EPB41L5: variants seen among roughly 807,000 people sequenced by gnomAD.
EPB41L5 encodes the protein erythrocyte membrane protein band 4.1 like 5, also known as band 4.1-like protein 5.
In EPB41L5, 55 loss-of-function variants were observed where a neutral mutation model predicts 106.6. That is an observed-to-expected ratio of 0.52 (90% CI 0.42 to 0.65). The LOEUF is 0.65. Ranked by LOEUF, EPB41L5 falls within the 30% of genes least tolerant of loss-of-function variation. EPB41L5 has a pLI of 0.00. For synonymous variants in EPB41L5, 297 were observed against 306.7 expected (o/e 0.97, Z 0.33); for missense variants, 871 against 882.1 (o/e 0.99, Z 0.16).
At chr2:120,114,772 G>A (rs139468139) in intron 16 of EPB41L5, among the ~76,000 whole-genome samples, 7 of 152,252 alleles carry the variant, frequency 4.6e-5, no homozygotes, top group South Asian at 4.1e-4. Flanking sequence ...TATTCTGTTA[G>A]TGGAGCATTC....
At chr2:120,105,418 A>T (rs1684392038) in intron 16 of EPB41L5, 2 of 984,906 alleles carry the variant, frequency 2.0e-6, no homozygotes, top group Non-Finnish European at 1.2e-6. Flanking sequence ...TCCTGCTCAC[A>T]TAGAGGTTGG....
At chr2:120,143,901 G>A (rs2105496577) in intron 19 of EPB41L5, among the ~76,000 whole-genome samples, 1 of 152,146 alleles carries the variant, frequency 6.6e-6, no homozygotes, top group Non-Finnish European at 1.5e-5. Flanking sequence ...TGTGACTTGG[G>A]CAAGTTAGTT....
intron 19 of EPB41L5, among the ~76,000 whole-genome samples, chr2:120,144,197 A>G (rs1686302495): frequency 6.6e-6 from 1 of 152,144 alleles, no homozygotes; most frequent in Non-Finnish European, 1.5e-5. Context: ...TAGAGCCCCC[A>G]AGAGTAGGAT....
chr2:120,091,974 A>G (rs1558867633), intron 13 of EPB41L5, among the ~76,000 whole-genome samples: 2 of 152,016 alleles, frequency 1.3e-5, no homozygotes, highest in Non-Finnish European at 2.9e-5. Flanking sequence ...ATTCTAAAAC[A>G]TCCCTTAATC....
chr2:120,042,190 C>A, intron 3 of EPB41L5, 80 bp downstream of exon 3: 2 of 1,038,268 alleles, frequency 1.9e-6, no homozygotes, highest in South Asian at 1.4e-5. Flanking sequence ...TGCTATAAGG[C>A]TTCCTATTCT....
chr2:120,078,461 A>G, intron 9 of EPB41L5, 32 bp from the exon 10 acceptor site: 1 of 1,451,656 alleles, frequency 6.9e-7, no homozygotes, highest in African/African-American at 1.4e-5. Flanking sequence ...TTGTACAAAT[A>G]AAGCTAACAC....
chr2:120,100,879 ATAATCT>A, intron 16 of EPB41L5, 65 bp downstream of exon 16: 1 of 1,121,342 alleles, frequency 8.9e-7, no homozygotes, highest in Non-Finnish European at 1.3e-6. Context: ...ATTCCAAGTC[ATAATCT>A]TAAAGTACTT....
intron 21 of EPB41L5, among the ~76,000 whole-genome samples, chr2:120,163,825 A>AC (rs1242326799): frequency 6.6e-6 from 1 of 151,466 alleles, no homozygotes; most frequent in Admixed American, 6.6e-5. Flanking sequence ...GGTGGTGCAC[A>AC]CCTGTAGTCC....
intron 16 of EPB41L5, among the ~76,000 whole-genome samples, chr2:120,117,361 C>CT: frequency 6.6e-6 from 1 of 152,260 alleles, no homozygotes; most frequent in African/African-American, 2.4e-5. Flanking sequence ...CATGGTTCTC[C>CT]TTTTTAGACA....
chr2:120,048,779 G>T (rs1449328670), intron 3 of EPB41L5, among the ~76,000 whole-genome samples: 1 of 152,114 alleles, frequency 6.6e-6, no homozygotes, highest in African/African-American at 2.4e-5. Context: ...GCTTTCTCTT[G>T]TGGGCATTTA....
intron 16 of EPB41L5, chr2:120,105,382 A>AT: frequency 1.0e-6 from 1 of 979,810 alleles, no homozygotes; most frequent in South Asian, 4.7e-5. Context: ...AAGCTTCATT[A>AT]TAAACAGCTT....
At chr2:120,104,287 G>T in intron 16 of EPB41L5, 1 of 1,508,918 alleles carries the variant, frequency 6.6e-7, no homozygotes, top group South Asian at 1.3e-5. Flanking sequence ...GCAAGTTGAT[G>T]GTATACATTA....
intron 2 of EPB41L5, among the ~76,000 whole-genome samples, chr2:120,032,952 A>C (rs913684840): frequency 1.3e-5 from 2 of 152,234 alleles, no homozygotes; most frequent in Non-Finnish European, 2.9e-5. Flanking sequence ...GGAATTGAAT[A>C]TTATGTCAAA....
At chr2:120,081,631 T>C (rs896544858) in intron 10 of EPB41L5, among the ~76,000 whole-genome samples, 3 of 152,314 alleles carry the variant, frequency 2.0e-5, no homozygotes, top group African/African-American at 7.2e-5. Flanking sequence ...AGTAGTTTTT[T>C]CCAATTCTGT....
chr2:120,059,610 A>G (rs749367590), intron 3 of EPB41L5, among the ~76,000 whole-genome samples: 2 of 152,186 alleles, frequency 1.3e-5, no homozygotes, highest in Non-Finnish European at 2.9e-5. Context: ...TAGCATATAT[A>G]CACAATGCCT....
chr2:120,015,046 A>T (rs1297434886), intron 1 of EPB41L5, among the ~76,000 whole-genome samples: 1 of 150,750 alleles, frequency 6.6e-6, no homozygotes, highest in African/African-American at 2.4e-5. Context: ...AAATTAGGCC[A>T]GGCGCAGTGG....
intron 16 of EPB41L5, chr2:120,108,489 T>C (rs1263190504): frequency 6.6e-6 from 1 of 152,134 alleles, no homozygotes; most frequent in Non-Finnish European, 1.5e-5. Context: ...TGACTAATCA[T>C]TGATAATAAT....
chr2:120,118,189 G>T (rs180847734), intron 16 of EPB41L5, among the ~76,000 whole-genome samples: 2 of 152,212 alleles, frequency 1.3e-5, no homozygotes, highest in East Asian at 3.9e-4. Context: ...TTTAAGATAG[G>T]AGTAATGAAA....
Position 120,076,848 on chromosome 2 carries a change from G to A in EPB41L5, c.506-123G>A, listed in dbSNP as rs113475123. On this transcript the variant is annotated intron_variant, in intron 7 of 24. Coordinates refer to ENST00000263713, the MANE Select transcript of EPB41L5 (RefSeq NM_020909.4). ...GATTTACTTTTGGAGACTTGTCTGA[G>A]TATTATGAATTTTTGTAAGAAATTC... 6 of 847,518 alleles carry A rather than the reference G, an allele frequency of 7.1e-6. No individual in the cohort carries two copies. In the African/African-American group the frequency reaches 1.0e-4, roughly 15 times the overall value. 52.5% of individuals were successfully genotyped at this position (847,518 alleles called of 1,614,324 possible).
Sources: gnomAD v4.1 joint callset for allele counts (sites outside exome capture counted in the v4.1 genomes callset) on GRCh38, gnomAD v4.1.1 for gene constraint, MANE v1.5 for transcripts, NCBI Gene and HGNC (gene_info 2026-07-23, HGNC 2026-07-21) for gene names.